Variants in ELP4 observed in about 807,000 individuals in gnomAD.
The protein encoded by ELP4 is elongator complex protein 4.
In ELP4, 51 loss-of-function variants were observed where a neutral mutation model predicts 48.9. The ratio of observed to expected loss-of-function variants is 1.04; its 90% CI spans 0.83 to 1.32. The LOEUF (loss-of-function observed/expected upper bound fraction) is 1.32. Ranked by LOEUF, ELP4 falls within the 40% of genes most tolerant of loss-of-function variation. The probability of loss-of-function intolerance (pLI) is 0.00; values close to 1 mark genes in which losing one functional copy is unlikely to be tolerated. For missense variants in ELP4, 519 were observed against 514.6 expected, an observed-to-expected ratio of 1.01 and a Z score of -0.08; for synonymous variants, 210 against 189.2, an observed-to-expected ratio of 1.11 and a Z score of -0.90.
rs762683493 is a variant in ELP4 at position 31,594,920 on chromosome 11, T to C, written c.513+19T>C. The C allele has an allele frequency of 3.9e-6, 6 of 1,541,630 alleles. No individual in the cohort carries two copies. Among genetic ancestry groups the C allele is most frequent in the Non-Finnish European group, 5.2e-6 (6 of 1,154,786 alleles). ...GATGGAGGCAAGTAAACATACAAAT[T>C]CTTTCCAAAATTTGCAAATGCATTT... On this transcript the variant is annotated intron_variant, in intron 4 of 9. Transcript: ENST00000640961.
chr11:31,566,842 A>G (rs773166797), intron 3 of ELP4, among the ~76,000 whole-genome samples: 1 of 152,188 alleles, frequency 6.6e-6, no homozygotes, highest in African/African-American at 2.4e-5. Flanking sequence ...TTTTTAAGTC[A>G]TATCACACCT....
At chr11:31,581,713 T>G (rs1957395948) in intron 3 of ELP4, among the ~76,000 whole-genome samples, 1 of 151,894 alleles carries the variant, frequency 6.6e-6, no homozygotes, top group African/African-American at 2.4e-5. Context: ...CCTCCTAAAC[T>G]ATTCCTCTAA....
intron 9 of ELP4, among the ~76,000 whole-genome samples, chr11:31,711,390 G>A (rs1263119777): frequency 1.3e-5 from 2 of 152,122 alleles, no homozygotes; most frequent in East Asian, 1.9e-4. Context: ...TTCAGAGCCA[G>A]TAATTCAGTC....
At chr11:31,522,334 T>C (rs1956227181) in intron 2 of ELP4, among the ~76,000 whole-genome samples, 1 of 152,176 alleles carries the variant, frequency 6.6e-6, no homozygotes, top group South Asian at 2.1e-4. Flanking sequence ...ATCCTCAGCC[T>C]CCGTTCCTTG....
At chr11:31,594,671 C>A in intron 3 of ELP4, 99 bp from the exon 4 acceptor site, 1 of 719,982 alleles carries the variant, frequency 1.4e-6, no homozygotes, top group Non-Finnish European at 2.1e-6. Flanking sequence ...CATGAATTTT[C>A]AATACATTGG....
At chr11:31,660,947 T>C (rs1945542637) in intron 9 of ELP4, among the ~76,000 whole-genome samples, 2 of 152,096 alleles carry the variant, frequency 1.3e-5, no homozygotes, top group African/African-American at 4.8e-5. Context: ...TGATCTGTAC[T>C]AAATACAAAG....
chr11:31,545,485 G>C (rs1437934343), intron 3 of ELP4, among the ~76,000 whole-genome samples: 2 of 152,000 alleles, frequency 1.3e-5, no homozygotes, highest in Non-Finnish European at 2.9e-5. Context: ...GGGACTATGT[G>C]AAAAGACCAA....
intron 3 of ELP4, among the ~76,000 whole-genome samples, chr11:31,567,957 A>T (rs1219830598): frequency 2.0e-5 from 3 of 152,176 alleles, no homozygotes; most frequent in Admixed American, 6.6e-5. Context: ...AACAATGAAG[A>T]TTGCCACATC....
chr11:31,578,052 T>A (rs1003348962), intron 3 of ELP4, among the ~76,000 whole-genome samples: 3 of 152,204 alleles, frequency 2.0e-5, no homozygotes, highest in African/African-American at 7.2e-5. Flanking sequence ...AACCCCATCG[T>A]CTCAGCCCAA....
chr11:31,534,468 G>A (rs186360609), intron 2 of ELP4, among the ~76,000 whole-genome samples: 2 of 152,080 alleles, frequency 1.3e-5, no homozygotes, highest in Non-Finnish European at 2.9e-5. Context: ...CCTAAAAGCT[G>A]CATGAAAAGT....
chr11:31,726,847 G>A (rs1487742885), intron 9 of ELP4, among the ~76,000 whole-genome samples: 2 of 152,080 alleles, frequency 1.3e-5, no homozygotes, highest in African/African-American at 4.8e-5. Context: ...TGATGTATTG[G>A]TTTGCATGTT....
intron 9 of ELP4, among the ~76,000 whole-genome samples, chr11:31,690,094 A>G (rs1592225950): frequency 6.6e-6 from 1 of 152,154 alleles, no homozygotes; most frequent in African/African-American, 2.4e-5. Context: ...CCTTCAGAAT[A>G]AATATTATTA....
chr11:31,701,109 C>T (rs1012680136), intron 9 of ELP4, among the ~76,000 whole-genome samples: 1 of 152,122 alleles, frequency 6.6e-6, no homozygotes, highest in Non-Finnish European at 1.5e-5. Context: ...TAGCCAATGA[C>T]TTGAACCTCT....
chr11:31,563,633 C>G (rs1957057873), intron 3 of ELP4, among the ~76,000 whole-genome samples: 1 of 151,948 alleles, frequency 6.6e-6, no homozygotes, highest in Admixed American at 6.6e-5. Context: ...AAAGGTAGTC[C>G]TATTTTCTTT....
intron 3 of ELP4, among the ~76,000 whole-genome samples, chr11:31,548,911 G>C (rs769072578): frequency 6.6e-6 from 1 of 152,042 alleles, no homozygotes; most frequent in East Asian, 1.9e-4. Flanking sequence ...AATAAATGGT[G>C]CTGGGAAAAC....
chr11:31,601,985 T>C (rs973801038), intron 4 of ELP4, among the ~76,000 whole-genome samples: 2 of 152,060 alleles, frequency 1.3e-5, no homozygotes, highest in African/African-American at 4.8e-5. Context: ...TAATCCATGC[T>C]GCTGCATGGA....
At chr11:31,624,977 C>A (rs1944707250) in intron 5 of ELP4, among the ~76,000 whole-genome samples, 1 of 151,170 alleles carries the variant, frequency 6.6e-6, no homozygotes, top group South Asian at 2.1e-4. Context: ...TTCTTCTGGA[C>A]TACCTCCTGA....
At chr11:31,642,021 A>G (rs1565092522) in intron 7 of ELP4, among the ~76,000 whole-genome samples, 1 of 152,022 alleles carries the variant, frequency 6.6e-6, no homozygotes, top group South Asian at 2.1e-4. Flanking sequence ...AACATTTTTA[A>G]TCATGAAAGA....
chr11:31,711,880 G>A (rs971553778), intron 9 of ELP4, among the ~76,000 whole-genome samples: 2 of 152,024 alleles, frequency 1.3e-5, no homozygotes, highest in Non-Finnish European at 2.9e-5. Context: ...TAATGATGCA[G>A]CTGATGAAAA....
Sources: gnomAD v4.1 joint callset for allele counts (sites outside exome capture counted in the v4.1 genomes callset) on GRCh38, gnomAD v4.1.1 for gene constraint, MANE v1.5 for transcripts, NCBI Gene and HGNC (gene_info 2026-07-23, HGNC 2026-07-21) for gene names.